The following CSNK2A2IP variants were observed in gnomAD, a reference collection of about 807,000 sequenced individuals.
The protein encoded by CSNK2A2IP is casein kinase 2 subunit alpha' interacting protein.
At chr3:88,407,066 C>T in the CSNK2A2IP span, among the ~76,000 whole-genome samples, 1 of 151,998 alleles carries the variant, frequency 6.6e-6, no homozygotes, top group Non-Finnish European at 1.5e-5. Context: ...TCAAGTAGAC[C>T]ACAAAGCAGA....
chr3:88,359,149 C>A, the CSNK2A2IP span, among the ~76,000 whole-genome samples: 1,930 of 151,744 alleles, frequency 0.013, 25 homozygotes, highest in Non-Finnish European at 0.022. Context: ...TTCATTTCTT[C>A]CAGGTTTCCT....
the CSNK2A2IP span, among the ~76,000 whole-genome samples, chr3:88,365,737 G>A: frequency 9.9e-5 from 15 of 152,156 alleles, no homozygotes; most frequent in East Asian, 2.7e-3. Context: ...TCTAGGTATA[G>A]GGTCACCTGA....
chr3:88,357,924 A>G, the CSNK2A2IP span, among the ~76,000 whole-genome samples: 1 of 151,812 alleles, frequency 6.6e-6, no homozygotes, highest in African/African-American at 2.4e-5. Context: ...ATGGGGTTTC[A>G]CCATGTTGCC....
At chr3:88,410,467 G>A in the CSNK2A2IP span, among the ~76,000 whole-genome samples, 5 of 151,994 alleles carry the variant, frequency 3.3e-5, no homozygotes, top group East Asian at 7.7e-4. Flanking sequence ...CATCCACTCC[G>A]GAAGCTCTCC....
At chr3:88,367,067 G>A in the CSNK2A2IP span, among the ~76,000 whole-genome samples, 1 of 152,032 alleles carries the variant, frequency 6.6e-6, no homozygotes, top group African/African-American at 2.4e-5. Context: ...GGAATTATGG[G>A]AACTACAATT....
At chr3:88,426,678 C>A in the CSNK2A2IP span, among the ~76,000 whole-genome samples, 1 of 152,078 alleles carries the variant, frequency 6.6e-6, no homozygotes, top group South Asian at 2.1e-4. Context: ...ACTTTCCCCC[C>A]TTTTGCTCAG....
chr3:88,449,866 T>TAGAGAGAGAGAG, the CSNK2A2IP span, among the ~76,000 whole-genome samples: 6 of 69,606 alleles, frequency 8.6e-5, no homozygotes, highest in East Asian at 4.3e-4. Context: ...TATATATATA[T>TAGAGAGAGAGAG]ATATATATAG....
the CSNK2A2IP span, among the ~76,000 whole-genome samples, chr3:88,392,345 C>A: frequency 6.6e-6 from 1 of 152,046 alleles, no homozygotes; most frequent in South Asian, 2.1e-4. Context: ...TTTTTACACA[C>A]CCCGAAATAG....
the CSNK2A2IP span, among the ~76,000 whole-genome samples, chr3:88,414,440 G>A: frequency 6.6e-6 from 1 of 151,034 alleles, no homozygotes; most frequent in African/African-American, 2.4e-5. Context: ...GCCCCAACAC[G>A]CCCAGCTAAT....
At chr3:88,401,243 GAATT>G in the CSNK2A2IP span, among the ~76,000 whole-genome samples, 3 of 151,964 alleles carry the variant, frequency 2.0e-5, no homozygotes, top group Non-Finnish European at 2.9e-5. Flanking sequence ...CTTACTTAAA[GAATT>G]AATTCTGATA....
chr3:88,463,310 A>G, the CSNK2A2IP span, among the ~76,000 whole-genome samples: 1 of 149,820 alleles, frequency 6.7e-6, no homozygotes, highest in Admixed American at 6.7e-5. Context: ...CCAACCTTGG[A>G]CCCTGAAAAA....
chr3:88,409,823 G>A, the CSNK2A2IP span, among the ~76,000 whole-genome samples: 1 of 151,952 alleles, frequency 6.6e-6, no homozygotes, highest in African/African-American at 2.4e-5. Flanking sequence ...GGATATATAT[G>A]ATTTATTTTA....
chr3:88,462,999 T>A, the CSNK2A2IP span, among the ~76,000 whole-genome samples: 1 of 152,196 alleles, frequency 6.6e-6, no homozygotes, highest in Admixed American at 6.5e-5. Context: ...TAATAAGATA[T>A]ACTTTAAAAA....
At chr3:88,461,925 G>A in the CSNK2A2IP span, among the ~76,000 whole-genome samples, 2 of 151,750 alleles carry the variant, frequency 1.3e-5, no homozygotes, top group Non-Finnish European at 2.9e-5. Context: ...TTTTTGTAGA[G>A]ACAGGATTTT....
At chr3:88,398,718 G>T in the CSNK2A2IP span, among the ~76,000 whole-genome samples, 5 of 152,138 alleles carry the variant, frequency 3.3e-5, no homozygotes, top group Non-Finnish European at 5.9e-5. Flanking sequence ...TTCTGGCCAT[G>T]AAGTCTTGAG....
chr3:88,387,163 CTTT>C, the CSNK2A2IP span, among the ~76,000 whole-genome samples: 250 of 109,822 alleles, frequency 2.3e-3, no homozygotes, highest in African/African-American at 6.0e-3. Flanking sequence ...CAAACACATG[CTTT>C]TTTTTTTTTT....
chr3:88,449,178 T>C, the CSNK2A2IP span, among the ~76,000 whole-genome samples: 6 of 152,318 alleles, frequency 3.9e-5, no homozygotes, highest in East Asian at 1.2e-3. Context: ...TATTTTGTTT[T>C]AACTTCCTGA....
chr3:88,374,398 G>A, the CSNK2A2IP span, among the ~76,000 whole-genome samples: 1 of 151,608 alleles, frequency 6.6e-6, no homozygotes, highest in Admixed American at 6.6e-5. Flanking sequence ...GTTCCAGGCT[G>A]AAGATATGGA....
the CSNK2A2IP span, among the ~76,000 whole-genome samples, chr3:88,361,608 T>C: frequency 6.6e-6 from 1 of 152,140 alleles, no homozygotes; most frequent in African/African-American, 2.4e-5. Context: ...CTTATTTGAG[T>C]CAAATCTGCT....
Sources: gnomAD v4.1 joint callset for allele counts (sites outside exome capture counted in the v4.1 genomes callset) on GRCh38, gnomAD v4.1.1 for gene constraint, MANE v1.5 for transcripts, NCBI Gene and HGNC (gene_info 2026-07-23, HGNC 2026-07-21) for gene names.